Variants in CNN3 observed in about 807,000 individuals in gnomAD.
CNN3 encodes calponin 3.
Under a neutral mutation model 39.0 loss-of-function variants are expected in CNN3, and 11 were observed. That is an observed-to-expected ratio of 0.28 (90% CI 0.18 to 0.47). The LOEUF (loss-of-function observed/expected upper bound fraction) is 0.47, where lower values mean the gene tolerates loss of function less well. CNN3 is among the 20% of genes least tolerant of loss of function. CNN3 has a pLI of 0.99. For missense variants in CNN3, 266 were observed against 403.4 expected, an observed-to-expected ratio of 0.66 and a Z score of 2.92; for synonymous variants, 101 against 138.3, an observed-to-expected ratio of 0.73 and a Z score of 1.89.
intron 5 of CNN3, among the ~76,000 whole-genome samples, chr1:94,900,550 GTAATTCAACCAACT>G (rs1172366217): frequency 3.5e-4 from 54 of 152,250 alleles, no homozygotes; most frequent in African/African-American, 1.3e-3. Context: ...TTATGGAGTT[GTAATTCAACCAACT>G]GACTACTGTT....
chr1:94,914,799 T>C (rs961039613), intron 1 of CNN3, among the ~76,000 whole-genome samples: 4 of 152,240 alleles, frequency 2.6e-5, no homozygotes. Flanking sequence ...ACAGATATGT[T>C]AACTGTGCAA....
At chr1:94,925,729 C>T (rs1671558444) in intron 1 of CNN3, 1 of 985,456 alleles carries the variant, frequency 1.0e-6, no homozygotes, top group East Asian at 1.1e-4. Flanking sequence ...TCGGACGGTG[C>T]GGTGGCAATC....
intron 1 of CNN3, among the ~76,000 whole-genome samples, chr1:94,907,724 G>A (rs570704812): frequency 1.3e-5 from 2 of 152,316 alleles, no homozygotes; most frequent in East Asian, 3.9e-4. Context: ...GACGGGTGTG[G>A]TGGCGGGCGC....
At chr1:94,924,069 G>C (rs1464500513) in intron 1 of CNN3, 1 of 152,336 alleles carries the variant, frequency 6.6e-6, no homozygotes, top group African/African-American at 2.4e-5. Context: ...GGGGTAGATG[G>C]GGGGAATCTA....
chr1:94,903,674 C>A (rs1409178290), intron 1 of CNN3, 150 bp from the exon 2 acceptor site: 1 of 1,050,460 alleles, frequency 9.5e-7, no homozygotes, highest in South Asian at 1.6e-5. Context: ...CAAACTTAAC[C>A]GTTACAACTT....
intron 1 of CNN3, among the ~76,000 whole-genome samples, chr1:94,909,284 A>G (rs775263768): frequency 6.6e-6 from 1 of 152,356 alleles, no homozygotes; most frequent in Middle Eastern, 3.4e-3. Flanking sequence ...TTAAGACAAT[A>G]CAAAAACTTG....
intron 1 of CNN3, among the ~76,000 whole-genome samples, chr1:94,907,080 T>TGG (rs540556298): frequency 6.6e-6 from 1 of 152,004 alleles, no homozygotes; most frequent in Non-Finnish European, 1.5e-5. Context: ...TGAGTGGTTG[T>TGG]GGGGGGGAGC....
intron 3 of CNN3, 56 bp downstream of exon 3, chr1:94,903,066 T>C: frequency 1.5e-6 from 2 of 1,341,688 alleles, no homozygotes; most frequent in Non-Finnish European, 2.0e-6. Context: ...GAAATCAAGT[T>C]TTCACTACAT....
Position 94,897,567 on chromosome 1 carries a change from A to G in CNN3, c.*175T>C. ...TTAACTATTACAGCACTAAAAGGCAACTATTGAGGGAAGAGGCAGAAAAAG... is the reference window on the plus strand; with the variant it reads ...TTAACTATTACAGCACTAAAAGGCAGCTATTGAGGGAAGAGGCAGAAAAAG... On this transcript the variant is annotated 3_prime_UTR_variant, in exon 7 of 7. Coordinates refer to ENST00000370206, the MANE Select transcript of CNN3 (RefSeq NM_001839.5). 1 of 593,042 alleles carries G rather than the reference A, an allele frequency of 1.7e-6. No individual in the cohort carries two copies. 36.7% of individuals were successfully genotyped at this position (593,042 alleles called of 1,614,324 possible). A position where few individuals can be genotyped will look rare whatever the true frequency, so the allele number is the denominator to read the frequency against.
chr1:94,901,185 C>G (rs1670853748), intron 5 of CNN3, among the ~76,000 whole-genome samples: 1 of 151,980 alleles, frequency 6.6e-6, no homozygotes, highest in Admixed American at 6.6e-5. Context: ...GAAATCCTAT[C>G]TCTACTAAAA....
chr1:94,901,111 T>G (rs1670850669), intron 5 of CNN3, among the ~76,000 whole-genome samples: 1 of 152,064 alleles, frequency 6.6e-6, no homozygotes, highest in Non-Finnish European at 1.5e-5. Context: ...CCAAGCACTT[T>G]GGGAGGCCGA....
At chr1:94,902,037 T>C in intron 4 of CNN3, 84 bp downstream of exon 4, 2 of 1,239,722 alleles carry the variant, frequency 1.6e-6, no homozygotes, top group Non-Finnish European at 2.4e-6. Flanking sequence ...CCACCTGGTC[T>C]GAACCCCCAT....
Position 94,899,470 on chromosome 1 carries a change from C to G in CNN3, c.549G>C (p.Gly183=). The G allele has an allele frequency of 6.2e-7, 1 of 1,614,012 alleles. No individual in the cohort carries two copies. The highest frequency in any genetic ancestry group is 8.5e-7 in the Non-Finnish European group (1 of 1,179,938). ...TGGGATCATAAAGATGCCTCCTAGT[C>G]CCGTAAGCTGTCATACCTGCCTGGC... ...CASQAGMTAY[G]TRRHLYDPKM... The change falls in exon 6 of 7, where the codon GGG becomes GGC. Residue 183 remains glycine (G), a synonymous_variant. Transcript: ENST00000370206.
At position 94,899,366 on chromosome 1, in the gene CNN3, C is replaced by T. The variant is rs769882830; in HGVS notation, c.648+5G>A. ...CTTGTACACGTATAAAAAGGTATTG[C>T]TTACCTGGCTGGCTCCTTTATTAGT... is the stretch of plus-strand genomic sequence containing the variant. On this transcript the variant is annotated splice_donor_5th_base_variant and intron_variant, in intron 6 of 6. Transcript: ENST00000370206. 1.2e-6 allele frequency: 2 copies of T among 1,612,618 alleles called. No homozygotes were observed. The highest frequency in any genetic ancestry group is 1.3e-5 in the African/African-American group (1 of 74,956).
chr1:94,899,605 C>T, intron 5 of CNN3, 88 bp from the exon 6 acceptor site: 1 of 1,376,060 alleles, frequency 7.3e-7, no homozygotes, highest in East Asian at 2.4e-5. Context: ...ACCAAAAAGA[C>T]AGAAGGGGCA....
intron 1 of CNN3, among the ~76,000 whole-genome samples, chr1:94,906,850 A>C (rs1023929545): frequency 1.1e-4 from 17 of 152,374 alleles, no homozygotes; most frequent in Admixed American, 2.0e-4. Context: ...GAAAAACATT[A>C]AAAGCATATT....
chr1:94,913,067 G>C (rs1181570884), intron 1 of CNN3, among the ~76,000 whole-genome samples: 1 of 152,098 alleles, frequency 6.6e-6, no homozygotes, highest in African/African-American at 2.4e-5. Context: ...AGGAAACTGG[G>C]AATCAGAAGG....
chr1:94,924,238 ATGGCTATT>A (rs1212272554), intron 1 of CNN3: 6 of 152,276 alleles, frequency 3.9e-5, no homozygotes, highest in Non-Finnish European at 7.3e-5. Flanking sequence ...CCTAGCAAAC[ATGGCTATT>A]TGATTCCCAG....
intron 1 of CNN3, among the ~76,000 whole-genome samples, chr1:94,908,288 G>A (rs191394823): frequency 1.3e-5 from 2 of 152,296 alleles, no homozygotes; most frequent in Admixed American, 6.5e-5. Flanking sequence ...GGCCTGCTCT[G>A]CTCTCGCTCC....
Sources: allele counts gnomAD v4.1 joint callset (sites outside exome capture counted in the v4.1 genomes callset), GRCh38; gene constraint gnomAD v4.1.1; transcripts MANE v1.5; gene names NCBI Gene and HGNC (gene_info 2026-07-23, HGNC 2026-07-21).